The following SH3D19 variants were observed in gnomAD, a reference collection of about 807,000 sequenced individuals.
SH3D19 encodes SH3 domain containing 19.
In SH3D19, 58 loss-of-function variants were observed where a neutral mutation model predicts 112.1. The observed-to-expected ratio is 0.52, with a 90% confidence interval of 0.42 to 0.64. The LOEUF (loss-of-function observed/expected upper bound fraction) is 0.64, where lower values mean the gene tolerates loss of function less well. Ranked by LOEUF, SH3D19 falls within the 30% of genes least tolerant of loss-of-function variation. The pLI is 0.00. For missense variants in SH3D19, 1,090 were observed against 1,263.4 expected (o/e 0.86, Z 2.08); for synonymous variants, 391 against 448.5 (o/e 0.87, Z 1.62).
intron 1 of SH3D19, among the ~76,000 whole-genome samples, chr4:151,246,180 T>C (rs946864354): frequency 6.6e-6 from 1 of 152,168 alleles, no homozygotes; most frequent in African/African-American, 2.4e-5. Context: ...AATACTCACA[T>C]AAAATTTGAA....
At chr4:151,139,968 A>G in intron 12 of SH3D19, 121 bp from the exon 13 acceptor site, 1 of 722,920 alleles carries the variant, frequency 1.4e-6, no homozygotes, top group Non-Finnish European at 2.4e-6. Context: ...CATTATGAGT[A>G]CATGATGCAA....
intron 1 of SH3D19, among the ~76,000 whole-genome samples, chr4:151,312,471 A>C (rs1277488518): frequency 6.6e-6 from 1 of 152,214 alleles, no homozygotes; most frequent in Non-Finnish European, 1.5e-5. Context: ...TGTTTTCTTT[A>C]AAGTTTCAAA....
intron 9 of SH3D19, among the ~76,000 whole-genome samples, chr4:151,150,141 T>G (rs1365361329): frequency 2.5e-5 from 3 of 119,522 alleles, no homozygotes; most frequent in African/African-American, 9.8e-5. Context: ...GCCGAGATCA[T>G]GCCACTGCAC....
At chr4:151,146,716 A>G (rs1753981293) in intron 11 of SH3D19, among the ~76,000 whole-genome samples, 1 of 151,966 alleles carries the variant, frequency 6.6e-6, no homozygotes, top group African/African-American at 2.4e-5. Context: ...TATTTTTAGT[A>G]GAGACAGAGG....
intron 7 of SH3D19, among the ~76,000 whole-genome samples, chr4:151,173,781 G>C (rs911982415): frequency 1.3e-5 from 2 of 152,188 alleles, no homozygotes; most frequent in Admixed American, 1.3e-4. Flanking sequence ...GTACTATTTT[G>C]ATGCATGTTA....
chr4:151,242,330 A>T (rs1426071936), intron 1 of SH3D19, among the ~76,000 whole-genome samples: 4 of 152,202 alleles, frequency 2.6e-5, no homozygotes, highest in Admixed American at 2.6e-4. Flanking sequence ...TAATAATTAG[A>T]CCTGTGTTTA....
intron 2 of SH3D19, among the ~76,000 whole-genome samples, chr4:151,189,471 T>C (rs2407429): frequency 0.83 from 126,541 of 152,054 alleles, 54,179 homozygotes; most frequent in Non-Finnish European, 0.95. Flanking sequence ...CCACCCAAAT[T>C]TCATCGTGAA....
intron 1 of SH3D19, among the ~76,000 whole-genome samples, chr4:151,287,508 G>T (rs1246723639): frequency 6.6e-6 from 1 of 152,016 alleles, no homozygotes; most frequent in African/African-American, 2.4e-5. Context: ...ATATAAAAAG[G>T]ACTATATATA....
chr4:151,125,136 C>T (rs76834528), intron 19 of SH3D19, among the ~76,000 whole-genome samples: 8,975 of 152,072 alleles, frequency 0.059, 415 homozygotes, highest in East Asian at 0.19. Context: ...TAGAAGGTTA[C>T]GAGTTTTTAA....
chr4:151,251,109 G>A (rs1022613137), intron 1 of SH3D19, among the ~76,000 whole-genome samples: 1 of 151,842 alleles, frequency 6.6e-6, no homozygotes, highest in Non-Finnish European at 1.5e-5. Context: ...TCCTGACCTT[G>A]TTATAACCAA....
chr4:151,281,514 C>T (rs1396639280), intron 1 of SH3D19, among the ~76,000 whole-genome samples: 1 of 151,938 alleles, frequency 6.6e-6, no homozygotes, highest in Non-Finnish European at 1.5e-5. Flanking sequence ...ACCTTCCACA[C>T]TAGGAACTCA....
chr4:151,220,466 T>G (rs1355484069), intron 2 of SH3D19, among the ~76,000 whole-genome samples: 1 of 152,148 alleles, frequency 6.6e-6, no homozygotes, highest in Admixed American at 6.5e-5. Flanking sequence ...GATAAAACAT[T>G]TGAGATGAAT....
In SH3D19 at chr4:151,139,805, G is replaced by A. The variant is rs1752656053; in HGVS notation, c.2266C>T (p.His756Tyr). The part of the protein sequence containing the change: ...AQKPVDSGAP[H>Y]AVVLHDFPAE... ...GGGAAATCATGAAGAACGACAGCAT[G>A]AGGAGCACCACTGTCAACAGGCTTC... is the stretch of plus-strand genomic sequence containing the variant. Residue 756 changes from histidine to tyrosine, a missense_variant, in exon 13 of 20, where the codon CAT becomes TAT. Physicochemically the swap from His to Tyr is moderately conservative, Grantham distance 83 (BLOSUM62 2). Transcript: ENST00000604030. The A allele has an allele frequency of 6.2e-7, 1 of 1,614,176 alleles. No homozygotes were observed. Among genetic ancestry groups the A allele is most frequent in the Non-Finnish European group, 8.5e-7 (1 of 1,180,026 alleles).
rs780563738 is a variant in SH3D19 at position 151,135,165 on chromosome 4, T to C, written c.2428-33A>G. The C allele has an allele frequency of 2.6e-6, 4 of 1,529,006 alleles. No individual in the cohort carries two copies. In the East Asian group the frequency reaches 9.2e-5, roughly 35 times the overall value. The allele number at this position is 1,529,006 out of a possible 1,614,324, so 94.7% of individuals were successfully genotyped here. A position where few individuals can be genotyped will look rare whatever the true frequency, so the allele number is the denominator to read the frequency against. On this transcript the variant is annotated intron_variant, in intron 14 of 19. Transcript: ENST00000604030. ...AGATAAAATCAAGGCAACAATTATA[T>C]TTTTTTCAGATTTTCATAAGATAAA...
intron 2 of SH3D19, among the ~76,000 whole-genome samples, chr4:151,222,942 C>T (rs1162772956): frequency 1.3e-5 from 2 of 151,262 alleles, no homozygotes; most frequent in Non-Finnish European, 2.9e-5. Context: ...GCTGGGATTA[C>T]AGGTGTGAGC....
chr4:151,142,873 C>G (rs1317898043), intron 12 of SH3D19, among the ~76,000 whole-genome samples: 1 of 152,148 alleles, frequency 6.6e-6, no homozygotes, highest in African/African-American at 2.4e-5. Context: ...CAGAGGCCAA[C>G]TCTCTGCAAG....
At chr4:151,282,189 T>C (rs1774303884) in intron 1 of SH3D19, 6 of 1,613,890 alleles carry the variant, frequency 3.7e-6, no homozygotes, top group Non-Finnish European at 5.1e-6. Context: ...CTAGGATCGA[T>C]TACAGTAGGT....
chr4:151,251,807 A>G (rs1771429518), intron 1 of SH3D19, among the ~76,000 whole-genome samples: 1 of 152,166 alleles, frequency 6.6e-6, no homozygotes, highest in African/African-American at 2.4e-5. Context: ...ACTTAATTCA[A>G]GTGGATCCTT....
intron 12 of SH3D19, 28 bp from the exon 13 acceptor site, chr4:151,139,875 A>T: frequency 2.5e-6 from 4 of 1,610,010 alleles, no homozygotes; most frequent in Non-Finnish European, 3.4e-6. Flanking sequence ...GCTGTGAATG[A>T]AGTGTGCAGG....
Sources: gnomAD v4.1 joint callset for allele counts (sites outside exome capture counted in the v4.1 genomes callset) on GRCh38, gnomAD v4.1.1 for gene constraint, MANE v1.5 for transcripts, NCBI Gene and HGNC (gene_info 2026-07-23, HGNC 2026-07-21) for gene names.